The following IL20RA variants were observed in gnomAD, a reference collection of about 807,000 sequenced individuals.
IL20RA encodes the protein interleukin-20 receptor subunit alpha.
In IL20RA, 29 loss-of-function variants were observed where a neutral mutation model predicts 36.5. The observed-to-expected ratio is 0.79, with a 90% CI of 0.59 to 1.08. The LOEUF is 1.08. Among genes scored for constraint, IL20RA ranks in the 50% least tolerant of loss-of-function variants. The pLI is 0.00. For synonymous variants in IL20RA, 279 were observed against 267.1 expected, an observed-to-expected ratio of 1.04 and a Z score of -0.43; for missense variants, 652 against 668.4, an observed-to-expected ratio of 0.98 and a Z score of 0.27.
Position 137,044,624 on chromosome 6 carries a change from C to T in IL20RA, c.88+17G>A. On this transcript the variant is annotated intron_variant, in intron 1 of 6. Coordinates refer to ENST00000316649, the MANE Select transcript of IL20RA (RefSeq NM_014432.4). Reference sequence around the variant, plus strand: ...GGAGGCATCCCCGACCCGCACCTGGCGGCGCGACCCACCTACCTGCCCGTC... The same window carrying T: ...GGAGGCATCCCCGACCCGCACCTGGTGGCGCGACCCACCTACCTGCCCGTC... 8.2e-7 allele frequency: 1 copy of T among 1,220,304 alleles called. No individual in the cohort carries two copies. Among genetic ancestry groups the T allele is most frequent in the Non-Finnish European group, 1.0e-6 (1 of 980,108 alleles). 75.6% of individuals were successfully genotyped at this position (1,220,304 alleles called of 1,614,324 possible). A position where few individuals can be genotyped will look rare whatever the true frequency, so the allele number is the denominator to read the frequency against.
chr6:137,027,449 GTAA>G (rs1005447952), intron 1 of IL20RA, among the ~76,000 whole-genome samples: 2 of 152,208 alleles, frequency 1.3e-5, no homozygotes, highest in African/African-American at 2.4e-5. Flanking sequence ...ATGGTTGCTA[GTAA>G]TTGTTTATGT....
chr6:137,001,490 A>G lies in IL20RA; in HGVS notation c.*68T>C. On this transcript the variant is annotated 3_prime_UTR_variant, in exon 7 of 7. Coordinates refer to ENST00000316649, the MANE Select transcript of IL20RA (RefSeq NM_014432.4). ...AAACTTCTTTCATCCCAGGTACTTT[A>G]TGGCTGGGATCAAAGGGGTGACTCA... 1 of 1,393,818 alleles carries G rather than the reference A, an allele frequency of 7.2e-7. No individual in the cohort carries two copies. Among genetic ancestry groups the G allele is most frequent in the South Asian group, 1.5e-5 (1 of 67,224 alleles). The allele number at this position is 1,393,818 out of a possible 1,614,324, so 86.3% of individuals were successfully genotyped here. A position where few individuals can be genotyped will look rare whatever the true frequency, so the allele number is the denominator to read the frequency against.
intron 5 of IL20RA, among the ~76,000 whole-genome samples, chr6:137,007,525 AAGAGCCCTTCGATGC>A (rs1318375813): frequency 3.3e-5 from 5 of 152,188 alleles, no homozygotes; most frequent in Admixed American, 3.3e-4. Flanking sequence ...ATAATGGATG[AAGAGCCCTTCGATGC>A]AGGCAAACTT....
rs988910965 is a variant in IL20RA, at chr6:137,000,938, T to C, written c.*620A>G. On this transcript the variant is annotated 3_prime_UTR_variant, in exon 7 of 7. Coordinates refer to ENST00000316649, the MANE Select transcript of IL20RA (RefSeq NM_014432.4). ...TATGTTTACACTCCAGAACTACTCA[T>C]AAAGTATTAAAGATGGCCTCTTAAA... The C allele has an allele frequency of 1.3e-5, 2 of 152,234 alleles. No homozygotes were observed. Among genetic ancestry groups the C allele is most frequent in the African/African-American group, 4.8e-5 (2 of 41,462 alleles). The allele number at this position is 152,234 out of a possible 1,614,324, so 9.4% of individuals were successfully genotyped here.
Position 137,008,693 on chromosome 6 carries a change from C to T in IL20RA, c.630G>A (p.Pro210=), listed in dbSNP as rs373289362. ...NHTLVLTWLE[P]NTLYCVHVES... is the part of the protein sequence containing the mutation. ...CCACGTGTACGCAGTAAAGAGTGTT[C>T]GGCTCCAGCCAGGTGAGCACCAGCG... The change falls in exon 5 of 7, where the codon CCG becomes CCA. Residue 210 remains proline, a synonymous_variant. Transcript: ENST00000316649. 21 of 1,606,778 alleles carry T rather than the reference C, an allele frequency of 1.3e-5. No homozygotes were observed. In the Admixed American group the frequency reaches 1.4e-4, roughly 10 times the overall value.
chr6:137,039,221 C>T (rs967463570), intron 1 of IL20RA, among the ~76,000 whole-genome samples: 1 of 152,182 alleles, frequency 6.6e-6, no homozygotes, highest in Non-Finnish European at 1.5e-5. Context: ...ACTGCCTTTC[C>T]TGAATTCATT....
chr6:137,010,486 C>T (rs1775448041), intron 3 of IL20RA, among the ~76,000 whole-genome samples: 1 of 99,640 alleles, frequency 1.0e-5, no homozygotes, highest in South Asian at 5.2e-4. Flanking sequence ...TGTAGAAAAA[C>T]AGAAAGGGTG....
At chr6:137,034,707 A>G (rs1051637367) in intron 1 of IL20RA, among the ~76,000 whole-genome samples, 7 of 152,024 alleles carry the variant, frequency 4.6e-5, no homozygotes, top group Admixed American at 1.3e-4. Flanking sequence ...TTGGGAGGCC[A>G]AGGCGGGCAG....
At chr6:137,031,234 C>A (rs1776266505) in intron 1 of IL20RA, among the ~76,000 whole-genome samples, 1 of 152,162 alleles carries the variant, frequency 6.6e-6, no homozygotes, top group Non-Finnish European at 1.5e-5. Context: ...GCATAAGTTA[C>A]CTTTCAGCCT....
At chr6:137,008,518 A>G in intron 5 of IL20RA, 81 bp downstream of exon 5, 1 of 1,408,576 alleles carries the variant, frequency 7.1e-7, no homozygotes. Context: ...GGATTTGTCA[A>G]AACCTTGTCT....
At chr6:137,028,017 C>A (rs1358848353) in intron 1 of IL20RA, among the ~76,000 whole-genome samples, 1 of 152,120 alleles carries the variant, frequency 6.6e-6, no homozygotes, top group African/African-American at 2.4e-5. Flanking sequence ...TAAGCTTTTC[C>A]TGGTGGAACT....
In IL20RA at chr6:137,001,795, T is replaced by C. The variant is rs778080272; in HGVS notation, c.1425A>G (p.Pro475=). The part of the protein sequence containing the change: ...TDSEEGPEEE[P]STTLVDWDPQ... The stretch of plus-strand genomic sequence containing the variant: ...GATCCCAGTCGACCAGGGTCGTCGA[T>C]GGCTCTTCCTCCGGCCCCTCCTCCG... Residue 475 remains proline, a synonymous_variant, in exon 7 of 7, where the codon CCA becomes CCG. Coordinates refer to ENST00000316649, the MANE Select transcript of IL20RA (RefSeq NM_014432.4). 9.3e-6 allele frequency: 15 copies of C among 1,613,244 alleles called. No homozygotes were observed. The highest frequency in any genetic ancestry group is 1.3e-5 in the Non-Finnish European group (15 of 1,179,444).
In IL20RA at chr6:137,002,172, G is replaced by A. The variant is rs1284243403; in HGVS notation, c.1048C>T (p.Pro350Ser). 3.7e-6 allele frequency: 6 copies of A among 1,614,004 alleles called. No homozygotes were observed. Among genetic ancestry groups the A allele is most frequent in the Non-Finnish European group, 5.1e-6 (6 of 1,179,890 alleles). Residue 350 changes from proline to serine, a missense_variant, in exon 7 of 7, where the codon CCC becomes TCC. Transcript: ENST00000316649. The part of the protein sequence containing the change: ...NDPQPSGNLR[P>S]PQEEEEVKHL... ...TTCACCTCCTCTTCCTCCTGAGGGG[G>A]CCTCAGGTTCCCGCTGGGCTGAGGA...
chr6:137,031,786 G>A (rs1776293378), intron 1 of IL20RA, among the ~76,000 whole-genome samples: 1 of 151,900 alleles, frequency 6.6e-6, no homozygotes, highest in South Asian at 2.1e-4. Flanking sequence ...TGGGTGTGTT[G>A]GCTCATGCCT....
chr6:137,024,457 T>C (rs1776014799), intron 1 of IL20RA, among the ~76,000 whole-genome samples: 1 of 152,238 alleles, frequency 6.6e-6, no homozygotes, highest in South Asian at 2.1e-4. Context: ...TCTGATTCTC[T>C]GAGATATTTG....
At chr6:137,015,197 T>C (rs548452085) in intron 2 of IL20RA, among the ~76,000 whole-genome samples, 16 of 152,354 alleles carry the variant, frequency 1.1e-4, no homozygotes, top group African/African-American at 3.8e-4. Flanking sequence ...CACACATTTA[T>C]GATACACAGT....
chr6:137,016,179 T>C (rs1422730706), intron 2 of IL20RA, among the ~76,000 whole-genome samples: 2 of 152,158 alleles, frequency 1.3e-5, no homozygotes. Context: ...GCCTCCACAA[T>C]GGACATGTCC....
At chr6:137,012,176 G>T (rs1457185893) in intron 2 of IL20RA, among the ~76,000 whole-genome samples, 1 of 152,130 alleles carries the variant, frequency 6.6e-6, no homozygotes, top group Non-Finnish European at 1.5e-5. Flanking sequence ...TGGGTTACAA[G>T]TGGCAGCCTA....
At chr6:137,027,285 G>A (rs534600847) in intron 1 of IL20RA, among the ~76,000 whole-genome samples, 23 of 152,196 alleles carry the variant, frequency 1.5e-4, no homozygotes, top group Non-Finnish European at 3.2e-4. Context: ...GCACGATTCG[G>A]TGCTAGCATT....
Sources: gnomAD v4.1 joint callset for allele counts (sites outside exome capture counted in the v4.1 genomes callset) on GRCh38, gnomAD v4.1.1 for gene constraint, MANE v1.5 for transcripts, NCBI Gene and HGNC (gene_info 2026-07-23, HGNC 2026-07-21) for gene names.